Variants in SHPRH observed in about 807,000 individuals in gnomAD.
SHPRH encodes the protein E3 ubiquitin-protein ligase SHPRH.
In SHPRH, 106 loss-of-function variants were observed where a neutral mutation model predicts 202.5. The ratio of observed to expected loss-of-function variants is 0.52; its 90% CI spans 0.45 to 0.62. The LOEUF (loss-of-function observed/expected upper bound fraction) is 0.62. SHPRH is among the 20% of genes least tolerant of loss of function. The pLI is 0.00. For synonymous variants in SHPRH, 729 were observed against 686.0 expected (o/e 1.06, Z -0.98); for missense variants, 1,710 against 2,020.0 (o/e 0.85, Z 2.94).
chr6:145,936,854 T>G (rs1786125517), intron 11 of SHPRH, among the ~76,000 whole-genome samples: 1 of 152,142 alleles, frequency 6.6e-6, no homozygotes, highest in South Asian at 2.1e-4. Flanking sequence ...GGTCCACAGA[T>G]TTATATTTTT....
chr6:145,950,291 C>G lies in SHPRH; in HGVS notation c.955G>C (p.Glu319Gln). 6.2e-7 allele frequency: 1 copy of G among 1,613,016 alleles called. No homozygotes were observed. Among genetic ancestry groups the G allele is most frequent in the Non-Finnish European group, 8.5e-7 (1 of 1,179,312 alleles). The change falls in exon 4 of 30, where the codon GAG becomes CAG. Residue 319 changes from glutamate (E) to glutamine (Q), a missense_variant. This residue lies in a region of SHPRH where 459 missense variants were observed against 426.5 expected (regional missense o/e 1.08). Transcript: ENST00000275233. ...REAVNWMLQQ[E>Q]CFRSSPATES... ...GTAGCAGGACTGCTTCTGAAACACT[C>G]TTGTTGTAGCATCCAATTGACAGCC...
intron 3 of SHPRH, 31 bp from the exon 4 acceptor site, chr6:145,950,513 A>C: frequency 6.3e-7 from 1 of 1,596,994 alleles, no homozygotes; most frequent in Non-Finnish European, 8.6e-7. Flanking sequence ...GTACTCAAAA[A>C]CTGATAGGTT....
intron 13 of SHPRH, among the ~76,000 whole-genome samples, chr6:145,934,251 G>A (rs188600246): frequency 6.6e-6 from 1 of 151,898 alleles, no homozygotes; most frequent in Non-Finnish European, 1.5e-5. Flanking sequence ...TGGATTACCT[G>A]AGGTCTGGAG....
At chr6:145,897,290 G>T (rs1216826854) in intron 25 of SHPRH, among the ~76,000 whole-genome samples, 4 of 151,910 alleles carry the variant, frequency 2.6e-5, no homozygotes, top group African/African-American at 9.7e-5. Flanking sequence ...AAATCTAGAA[G>T]AAATGGATAA....
chr6:145,944,198 G>GT, intron 8 of SHPRH, among the ~76,000 whole-genome samples: 1 of 152,224 alleles, frequency 6.6e-6, no homozygotes, highest in Middle Eastern at 3.4e-3. Flanking sequence ...GAAAGTAAAA[G>GT]ATAATCCACT....
intron 3 of SHPRH, chr6:145,951,971 C>T: frequency 2.3e-6 from 1 of 440,994 alleles, no homozygotes; most frequent in South Asian, 1.6e-5. Flanking sequence ...GGGAACCAGG[C>T]TTTTGAAATT....
At chr6:145,905,175 T>C (rs557786983) in intron 25 of SHPRH, 2 of 152,236 alleles carry the variant, frequency 1.3e-5, no homozygotes, top group South Asian at 4.1e-4. Context: ...CACCTCTTCT[T>C]AGCCACAAAG....
chr6:145,921,921 T>G (rs1008588290), intron 20 of SHPRH, among the ~76,000 whole-genome samples: 3 of 152,078 alleles, frequency 2.0e-5, no homozygotes, highest in Admixed American at 6.6e-5. Flanking sequence ...TTTGATTGTG[T>G]CATTCTTTAT....
At chr6:145,957,430 G>C (rs1461382713) in intron 1 of SHPRH, among the ~76,000 whole-genome samples, 1 of 152,102 alleles carries the variant, frequency 6.6e-6, no homozygotes, top group Non-Finnish European at 1.5e-5. Context: ...GCAAGTCACA[G>C]ATGGGAGAAA....
intron 25 of SHPRH, chr6:145,904,330 G>A (rs1011957918): frequency 1.3e-5 from 2 of 151,698 alleles, no homozygotes; most frequent in Non-Finnish European, 2.9e-5. Flanking sequence ...AAAGAACAAC[G>A]ATTTGATAAT....
intron 9 of SHPRH, among the ~76,000 whole-genome samples, chr6:145,942,501 T>C (rs533996323): frequency 3.1e-4 from 47 of 152,310 alleles, no homozygotes; most frequent in African/African-American, 1.1e-3. Context: ...GTATTCTCCA[T>C]GCCTATGTAA....
At position 145,941,813 on chromosome 6, in the gene SHPRH, A is replaced by G; in HGVS notation, c.2300T>C (p.Ile767Thr). The G allele has an allele frequency of 1.9e-6, 3 of 1,614,002 alleles. No individual in the cohort carries two copies. The South Asian group carries it at 3.3e-5, about 18-fold the overall frequency. The change falls in exon 10 of 30, where the codon ATA becomes ACA. Residue 767 changes from isoleucine (I) to threonine (T), a missense_variant. Transcript: ENST00000275233. ...LQPHFLAEQDIVIITYDVLRS... is the reference protein window; with the variant it reads ...LQPHFLAEQDTVIITYDVLRS... ...CAGTACATCATAGGTAATGATAACTATATCCTGTTCTGCCAAAAAATGAGG... is the reference window on the plus strand; with the variant it reads ...CAGTACATCATAGGTAATGATAACTGTATCCTGTTCTGCCAAAAAATGAGG...
In SHPRH at chr6:145,943,893, G is replaced by A. The variant is rs1787078826; in HGVS notation, c.1579-91C>T. ...TTATGTAAGTACTTCATATAATTAT[G>A]TAGCAGCCAGTCTTTGCTACCCTTT... On this transcript the variant is annotated intron_variant, in intron 8 of 29. Coordinates refer to ENST00000275233, the MANE Select transcript of SHPRH (RefSeq NM_001042683.3). 11 of 1,200,790 alleles carry A rather than the reference G, an allele frequency of 9.2e-6. No individual in the cohort carries two copies. The South Asian group carries it at 1.7e-4, about 19-fold the overall frequency. 74.4% of individuals were successfully genotyped at this position (1,200,790 alleles called of 1,614,324 possible). A position where few individuals can be genotyped will look rare whatever the true frequency, so the allele number is the denominator to read the frequency against.
At chr6:145,904,641 A>C (rs1175252891) in intron 25 of SHPRH, 1 of 152,292 alleles carries the variant, frequency 6.6e-6, no homozygotes, top group Non-Finnish European at 1.5e-5. Context: ...AAATGGTAAC[A>C]GAAAAAGCAG....
intron 21 of SHPRH, among the ~76,000 whole-genome samples, chr6:145,920,737 G>A (rs1469404238): frequency 2.0e-5 from 3 of 151,894 alleles, no homozygotes; most frequent in Admixed American, 6.6e-5. Context: ...AGGGCATATC[G>A]GGCTTTATTT....
chr6:145,922,025 G>A (rs9322040), intron 20 of SHPRH, among the ~76,000 whole-genome samples: 4 of 151,900 alleles, frequency 2.6e-5, no homozygotes, highest in Admixed American at 6.6e-5. Context: ...CTGGATTCTA[G>A]AGTCTGGGAT....
In SHPRH at chr6:145,941,770, A is replaced by G. The variant is rs749765841; in HGVS notation, c.2343T>C (p.Tyr781=). The part of the protein sequence containing the change: ...TYDVLRSELN[Y]VDIPHSNSED... ...CACTATTGCTATGTGGGATATCGAC[A>G]TAATTTAATTCTGAACGCAGTACAT... Residue 781 remains tyrosine (Y), a synonymous_variant, in exon 10 of 30, where the codon TAT becomes TAC. Coordinates refer to ENST00000275233, the MANE Select transcript of SHPRH (RefSeq NM_001042683.3). 29 of 1,614,044 alleles carry G rather than the reference A, an allele frequency of 1.8e-5. No individual in the cohort carries two copies. Among genetic ancestry groups the G allele is most frequent in the Non-Finnish European group, 2.5e-5 (29 of 1,179,976 alleles).
At chr6:145,888,770 T>C (rs1781330930) in intron 28 of SHPRH, among the ~76,000 whole-genome samples, 1 of 152,130 alleles carries the variant, frequency 6.6e-6, no homozygotes, top group Non-Finnish European at 1.5e-5. Context: ...AGTTAAGAAG[T>C]CCTGTAGTCA....
intron 29 of SHPRH, among the ~76,000 whole-genome samples, chr6:145,887,437 T>C (rs1039287921): frequency 6.6e-6 from 1 of 152,126 alleles, no homozygotes; most frequent in African/African-American, 2.4e-5. Context: ...GAAAGTTCTA[T>C]GATTCCAGAG....
Sources: allele counts gnomAD v4.1 joint callset (sites outside exome capture counted in the v4.1 genomes callset), GRCh38; gene constraint gnomAD v4.1.1; regional missense constraint gnomAD v4.1.1; transcripts MANE v1.5; gene names NCBI Gene and HGNC (gene_info 2026-07-23, HGNC 2026-07-21).